Variants in AKAP6 observed in about 807,000 individuals in gnomAD.
AKAP6 encodes A-kinase anchor protein 6.
AKAP6 carries 58 observed loss-of-function variants against 188.5 expected under a neutral mutation model. The ratio of observed to expected loss-of-function variants is 0.31; its 90% CI spans 0.25 to 0.38. The LOEUF is 0.38. AKAP6 is among the 10% of genes least tolerant of loss of function. The pLI is 1.00. For missense variants in AKAP6, 2,710 were observed against 2,740.0 expected, an observed-to-expected ratio of 0.99 and a Z score of 0.24; for synonymous variants, 989 against 998.6, an observed-to-expected ratio of 0.99 and a Z score of 0.18.
chr14:32,383,752 A>G (rs1028117282), intron 1 of AKAP6, among the ~76,000 whole-genome samples: 5 of 152,104 alleles, frequency 3.3e-5, no homozygotes, highest in Admixed American at 6.6e-5. Flanking sequence ...CCTGAACTCA[A>G]GGTAATTCTG....
intron 2 of AKAP6, among the ~76,000 whole-genome samples, chr14:32,443,265 G>A (rs970090971): frequency 3.3e-5 from 5 of 151,930 alleles, no homozygotes; most frequent in Non-Finnish European, 7.4e-5. Flanking sequence ...GTGGTGGTGG[G>A]CGCCTATAAT....
At chr14:32,662,120 T>C (rs1888728532) in intron 7 of AKAP6, among the ~76,000 whole-genome samples, 4 of 152,080 alleles carry the variant, frequency 2.6e-5, no homozygotes, top group Non-Finnish European at 4.4e-5. Flanking sequence ...AAATCAATAC[T>C]TCTTTCATAG....
At chr14:32,712,243 C>T (rs1261790200) in intron 9 of AKAP6, among the ~76,000 whole-genome samples, 2 of 151,904 alleles carry the variant, frequency 1.3e-5, no homozygotes, top group African/African-American at 2.4e-5. Context: ...TAAAAATGTA[C>T]TTAATTTAAA....
intron 2 of AKAP6, among the ~76,000 whole-genome samples, chr14:32,455,294 A>G (rs1237018466): frequency 6.6e-6 from 1 of 152,130 alleles, no homozygotes; most frequent in Non-Finnish European, 1.5e-5. Flanking sequence ...TGTGATATGA[A>G]AATATGCAGA....
intron 4 of AKAP6, among the ~76,000 whole-genome samples, chr14:32,554,718 G>A (rs1006883620): frequency 3.3e-5 from 5 of 152,164 alleles, no homozygotes; most frequent in Non-Finnish European, 7.3e-5. Context: ...CTTGTATAAG[G>A]TGGGTAATTA....
At chr14:32,363,278 G>C (rs146766614) in intron 1 of AKAP6, among the ~76,000 whole-genome samples, 1 of 152,314 alleles carries the variant, frequency 6.6e-6, no homozygotes, top group African/African-American at 2.4e-5. Flanking sequence ...AGAGGGAGTA[G>C]AGGAAGGTTT....
chr14:32,707,603 A>G (rs1890862596), intron 9 of AKAP6, among the ~76,000 whole-genome samples: 1 of 152,100 alleles, frequency 6.6e-6, no homozygotes, highest in South Asian at 2.1e-4. Context: ...TTATTTATTA[A>G]TGTATCTCCA....
At chr14:32,504,284 T>C (rs1880752664) in intron 2 of AKAP6, among the ~76,000 whole-genome samples, 1 of 152,110 alleles carries the variant, frequency 6.6e-6, no homozygotes, top group Non-Finnish European at 1.5e-5. Flanking sequence ...TTGTTGTTTG[T>C]TTTGTTTGTT....
At chr14:32,755,085 C>CTT (rs2032281445) in intron 11 of AKAP6, among the ~76,000 whole-genome samples, 2 of 152,284 alleles carry the variant, frequency 1.3e-5, no homozygotes, top group East Asian at 3.9e-4. Context: ...TTTAAATAAG[C>CTT]TTTTTGCCCC....
intron 2 of AKAP6, among the ~76,000 whole-genome samples, chr14:32,498,939 ATT>A (rs894278855): frequency 6.8e-6 from 1 of 146,434 alleles, no homozygotes; most frequent in African/African-American, 2.5e-5. Flanking sequence ...ACCTTCAATA[ATT>A]TTTTTTTTTT....
intron 11 of AKAP6, among the ~76,000 whole-genome samples, chr14:32,750,818 C>T (rs1249348373): frequency 6.7e-6 from 1 of 149,944 alleles, no homozygotes; most frequent in African/African-American, 2.5e-5. Flanking sequence ...TCTCGGCTCA[C>T]TGCAAGCCCG....
At chr14:32,435,942 G>A (rs941169406) in intron 2 of AKAP6, among the ~76,000 whole-genome samples, 1 of 152,110 alleles carries the variant, frequency 6.6e-6, no homozygotes, top group Non-Finnish European at 1.5e-5. Context: ...GCACTGTCAT[G>A]CATTTTTTCA....
At chr14:32,466,827 T>TTTTATATATATATATATATATATA (rs1555331122) in intron 2 of AKAP6, among the ~76,000 whole-genome samples, 1 of 115,116 alleles carries the variant, frequency 8.7e-6, no homozygotes, top group African/African-American at 5.0e-5. Context: ...AAAAACAAGA[T>TTTTATATATATATATATATATATA]TATATATATA....
At chr14:32,764,695 T>TACAC (rs34290753) in intron 11 of AKAP6, among the ~76,000 whole-genome samples, 3,828 of 148,398 alleles carry the variant, frequency 0.026, 69 homozygotes, top group African/African-American at 0.051. Flanking sequence ...ATGACAATAA[T>TACAC]ACACACACAC....
rs546819675 is a variant in AKAP6, at chr14:32,811,255, A to AAAAAAAAAAAAAAAAT, written c.3589-10146_3589-10145insAAAAAAAAAAAAAATA. Among the ~76,000 whole-genome samples, 89 of 118,336 alleles carry AAAAAAAAAAAAAAAAT rather than the reference A, an allele frequency of 7.5e-4. 12 individuals carry two copies. The highest frequency in any genetic ancestry group is 1.2e-3 in the Non-Finnish European group (67 of 56,412). The allele number at this position is 118,336 out of a possible 152,430, so 77.6% of individuals were successfully genotyped here. A position where few individuals can be genotyped will look rare whatever the true frequency, so the allele number is the denominator to read the frequency against. On this transcript the variant is annotated intron_variant, in intron 12 of 13. Coordinates refer to ENST00000280979, the MANE Select transcript of AKAP6 (RefSeq NM_004274.5). ...CTCCGTCTCAGGAAAAAAAAAAAAA[A>AAAAAAAAAAAAAAAAT]AGTTGAAAAACAGACTAAGATAATG...
At chr14:32,434,669 C>G (rs1244022734) in intron 2 of AKAP6, among the ~76,000 whole-genome samples, 1 of 152,188 alleles carries the variant, frequency 6.6e-6, no homozygotes, top group African/African-American at 2.4e-5. Context: ...CTGGTTCATC[C>G]TAAATAATCT....
chr14:32,420,104 A>G (rs1889791596), intron 1 of AKAP6, among the ~76,000 whole-genome samples: 1 of 152,094 alleles, frequency 6.6e-6, no homozygotes, highest in South Asian at 2.1e-4. Context: ...TAGTTAAATC[A>G]TATAATTCTG....
At chr14:32,498,350 C>T (rs76377099) in intron 2 of AKAP6, among the ~76,000 whole-genome samples, 1 of 145,194 alleles carries the variant, frequency 6.9e-6, no homozygotes, top group Admixed American at 7.0e-5. Flanking sequence ...CCATTTTTTT[C>T]CAGTCATTCA....
intron 2 of AKAP6, among the ~76,000 whole-genome samples, chr14:32,523,136 T>A (rs1594706811): frequency 6.6e-6 from 1 of 150,500 alleles, no homozygotes; most frequent in Non-Finnish European, 1.5e-5. Flanking sequence ...ATGAGAACAC[T>A]TGGACACAGG....
Sources: allele counts gnomAD v4.1 joint callset (sites outside exome capture counted in the v4.1 genomes callset), GRCh38; gene constraint gnomAD v4.1.1; transcripts MANE v1.5; gene names NCBI Gene and HGNC (gene_info 2026-07-23, HGNC 2026-07-21).